ERBB4: variants seen among roughly 807,000 people sequenced by gnomAD.
The protein encoded by ERBB4 is receptor tyrosine-protein kinase erbB-4.
In ERBB4, 42 loss-of-function variants were observed where a neutral mutation model predicts 158.0. That is an observed-to-expected ratio of 0.27 (90% CI 0.21 to 0.34). ERBB4 has a LOEUF of 0.34. Ranked by LOEUF, ERBB4 falls within the 10% of genes least tolerant of loss-of-function variation. The pLI, the probability that ERBB4 is intolerant of heterozygous loss-of-function variation, is 1.00. For missense variants in ERBB4, 1,333 were observed against 1,624.1 expected (o/e 0.82, Z 3.08); for synonymous variants, 583 against 558.7 (o/e 1.04, Z -0.61).
At chr2:212,280,351 C>A (rs1189299688) in intron 1 of ERBB4, among the ~76,000 whole-genome samples, 1 of 151,552 alleles carries the variant, frequency 6.6e-6, no homozygotes, top group Non-Finnish European at 1.5e-5. Context: ...TGGGTCTGGG[C>A]ATCTGATCTC....
chr2:211,662,656 T>C (rs913586528), intron 15 of ERBB4, among the ~76,000 whole-genome samples: 5 of 152,176 alleles, frequency 3.3e-5, no homozygotes, highest in African/African-American at 9.7e-5. Flanking sequence ...TTTTCATGGA[T>C]ATTAGTGAGA....
At chr2:211,917,408 C>T (rs542988598) in intron 3 of ERBB4, among the ~76,000 whole-genome samples, 4 of 152,180 alleles carry the variant, frequency 2.6e-5, no homozygotes, top group East Asian at 3.9e-4. Flanking sequence ...ATATAGCTGA[C>T]ATTTAGAGAG....
intron 21 of ERBB4, 98 bp from the exon 22 acceptor site, chr2:211,428,581 A>AT (rs922191769): frequency 6.6e-5 from 45 of 677,876 alleles, no homozygotes; most frequent in Non-Finnish European, 1.0e-4. Flanking sequence ...CCTTAATCAT[A>AT]TTTTTTTATT....
chr2:211,901,307 T>A (rs2079229240), intron 3 of ERBB4, among the ~76,000 whole-genome samples: 1 of 152,166 alleles, frequency 6.6e-6, no homozygotes, highest in Non-Finnish European at 1.5e-5. Flanking sequence ...TTACATTCAA[T>A]AAATGAGCAT....
intron 2 of ERBB4, among the ~76,000 whole-genome samples, chr2:211,996,472 G>C (rs1237555731): frequency 6.6e-6 from 1 of 151,630 alleles, no homozygotes. Flanking sequence ...TTTTTTGCTG[G>C]TTATGACTAT....
chr2:211,612,343 C>T (rs1432602105), intron 19 of ERBB4, among the ~76,000 whole-genome samples: 4 of 151,952 alleles, frequency 2.6e-5, no homozygotes, highest in African/African-American at 9.7e-5. Flanking sequence ...GACATATTTG[C>T]TGTCATCAAG....
At chr2:212,192,001 A>G (rs2082266365) in intron 1 of ERBB4, among the ~76,000 whole-genome samples, 1 of 84,400 alleles carries the variant, frequency 1.2e-5, no homozygotes, top group African/African-American at 4.7e-5. Flanking sequence ...TATATATGTT[A>G]TATATAATAT....
chr2:212,227,178 G>A (rs1386000870), intron 1 of ERBB4, among the ~76,000 whole-genome samples: 1 of 150,984 alleles, frequency 6.6e-6, no homozygotes, highest in African/African-American at 2.4e-5. Flanking sequence ...CCGGGAGGTG[G>A]AGGTTGCAGT....
chr2:212,257,576 A>T (rs2084785396), intron 1 of ERBB4, among the ~76,000 whole-genome samples: 1 of 152,156 alleles, frequency 6.6e-6, no homozygotes. Context: ...CAAGAAATAA[A>T]ATTTACTAAA....
At chr2:211,916,253 C>A (rs2079686921) in intron 3 of ERBB4, among the ~76,000 whole-genome samples, 1 of 151,986 alleles carries the variant, frequency 6.6e-6, no homozygotes, top group Non-Finnish European at 1.5e-5. Flanking sequence ...GGTATCAGCT[C>A]ACTGCAACCT....
chr2:211,553,161 G>A (rs544467524), intron 20 of ERBB4, among the ~76,000 whole-genome samples: 1 of 151,798 alleles, frequency 6.6e-6, no homozygotes, highest in South Asian at 2.1e-4. Flanking sequence ...TAGAGACGGG[G>A]TTTCACCGTG....
chr2:211,518,625 G>C (rs1414443767), intron 20 of ERBB4, among the ~76,000 whole-genome samples: 1 of 151,958 alleles, frequency 6.6e-6, no homozygotes, highest in African/African-American at 2.4e-5. Context: ...CTGCCCTCTA[G>C]CCTGGGTGAC....
At chr2:212,399,706 A>T (rs1196500583) in intron 1 of ERBB4, among the ~76,000 whole-genome samples, 4 of 119,458 alleles carry the variant, frequency 3.3e-5, no homozygotes. Flanking sequence ...CTCTACTAAA[A>T]ATACAAAAAA....
chr2:212,538,326 A>G (rs1693223632), intron 1 of ERBB4, 123 bp downstream of exon 1: 2 of 834,566 alleles, frequency 2.4e-6, no homozygotes, highest in African/African-American at 1.7e-5. Flanking sequence ...AGCCCAGGGA[A>G]GAGGCCCCGG....
Position 212,286,604 on chromosome 2 carries a change from T to TTTTG in ERBB4, c.83-161702_83-161701insCAAA, listed in dbSNP as rs1194555276. ...TTACATAAGTGCTGACTTTTTTTTT[T>TTTTG]TTTTTTTTTTTTTTTTGACACAGAG... On this transcript the variant is annotated intron_variant, in intron 1 of 27. Transcript: ENST00000342788. Among the ~76,000 whole-genome samples the TTTTG allele has an allele frequency of 2.3e-5, 3 of 129,592 alleles. 1 individual carries two copies. The highest frequency in any genetic ancestry group is 5.3e-4 in the South Asian group (2 of 3,784). The allele number at this position is 129,592 out of a possible 152,430, so 85.0% of individuals were successfully genotyped here. A position where few individuals can be genotyped will look rare whatever the true frequency, so the allele number is the denominator to read the frequency against.
intron 1 of ERBB4, among the ~76,000 whole-genome samples, chr2:212,187,476 T>C (rs1575769381): frequency 6.6e-6 from 1 of 151,412 alleles, no homozygotes; most frequent in Admixed American, 6.6e-5. Context: ...ATTATAATTA[T>C]ACAAATTATA....
intron 19 of ERBB4, among the ~76,000 whole-genome samples, chr2:211,567,512 T>C (rs1364879324): frequency 1.3e-5 from 2 of 152,178 alleles, no homozygotes; most frequent in African/African-American, 4.8e-5. Flanking sequence ...ATGTTATTTA[T>C]TAAGGTAAAG....
At chr2:211,864,450 G>A (rs2078152415) in intron 3 of ERBB4, among the ~76,000 whole-genome samples, 1 of 152,142 alleles carries the variant, frequency 6.6e-6, no homozygotes, top group South Asian at 2.1e-4. Flanking sequence ...TTGCACAAAA[G>A]CTGGTGGTTC....
At chr2:212,501,581 C>T (rs1236268053) in intron 1 of ERBB4, among the ~76,000 whole-genome samples, 1 of 152,136 alleles carries the variant, frequency 6.6e-6, no homozygotes, top group Non-Finnish European at 1.5e-5. Flanking sequence ...TTATTTAAAA[C>T]ACAAATATTT....
Sources: allele counts gnomAD v4.1 joint callset (sites outside exome capture counted in the v4.1 genomes callset), GRCh38; gene constraint gnomAD v4.1.1; transcripts MANE v1.5; gene names NCBI Gene and HGNC (gene_info 2026-07-23, HGNC 2026-07-21).